FAM222B: variants seen among roughly 807,000 people sequenced by gnomAD.
FAM222B encodes the protein family with sequence similarity 222 member B.
FAM222B carries 12 observed loss-of-function variants against 38.0 expected under a neutral mutation model. The observed-to-expected ratio is 0.32, with a 90% confidence interval of 0.20 to 0.51. The LOEUF (loss-of-function observed/expected upper bound fraction) is 0.51. FAM222B is among the 20% of genes least tolerant of loss of function. FAM222B has a pLI of 0.97. For missense variants in FAM222B, 716 were observed against 754.2 expected (o/e 0.95, Z 0.59); for synonymous variants, 329 against 317.2 (o/e 1.04, Z -0.40).
intron 1 of FAM222B, among the ~76,000 whole-genome samples, chr17:28,823,277 T>A (rs2038327413): frequency 6.6e-6 from 1 of 151,974 alleles, no homozygotes; most frequent in East Asian, 1.9e-4. Flanking sequence ...AAGTCACCAA[T>A]AATCCCTAGG....
At chr17:28,798,870 G>C (rs1042099468) in intron 1 of FAM222B, among the ~76,000 whole-genome samples, 6 of 152,030 alleles carry the variant, frequency 3.9e-5, no homozygotes, top group African/African-American at 1.4e-4. Flanking sequence ...ACCCGCCTCG[G>C]CCTCCCAAAG....
At chr17:28,793,783 T>C (rs1011807466) in intron 1 of FAM222B, among the ~76,000 whole-genome samples, 2 of 151,536 alleles carry the variant, frequency 1.3e-5, no homozygotes, top group African/African-American at 4.9e-5. Flanking sequence ...TTCACTCTTG[T>C]TGCCCAGGCT....
At chr17:28,800,564 G>A (rs2037170719) in intron 1 of FAM222B, among the ~76,000 whole-genome samples, 1 of 151,992 alleles carries the variant, frequency 6.6e-6, no homozygotes, top group Non-Finnish European at 1.5e-5. Context: ...TGGAGAAGAG[G>A]CAAAAATAAA....
At position 28,778,729 on chromosome 17, in the gene FAM222B, T is replaced by A. The variant is rs1471726613; in HGVS notation, c.-40-12022A>T. ...TATATATATATATATATTTTTTTTT[T>A]TTTTTTTTTTTTTTTGGTAGAAGTG... is the stretch of plus-strand genomic sequence containing the variant. On this transcript the variant is annotated intron_variant, in intron 1 of 2. Coordinates refer to ENST00000581407, the MANE Select transcript of FAM222B (RefSeq NM_001077498.3). Among the ~76,000 whole-genome samples, 4 of 110,722 alleles carry A rather than the reference T, an allele frequency of 3.6e-5. No homozygotes were observed. In the South Asian group the frequency reaches 1.0e-3, roughly 29 times the overall value. 72.6% of individuals were successfully genotyped at this position (110,722 alleles called of 152,430 possible). A position where few individuals can be genotyped will look rare whatever the true frequency, so the allele number is the denominator to read the frequency against.
intron 1 of FAM222B, among the ~76,000 whole-genome samples, chr17:28,786,305 C>G (rs1447357960): frequency 6.6e-6 from 1 of 152,170 alleles, no homozygotes; most frequent in Non-Finnish European, 1.5e-5. Context: ...AAGGATAAGA[C>G]AGCAACTATA....
At position 28,759,459 on chromosome 17, in the gene FAM222B, G is replaced by A. The variant is rs2034945356; in HGVS notation, c.500C>T (p.Ala167Val). The A allele has an allele frequency of 6.4e-7, 1 of 1,569,836 alleles. No homozygotes were observed. ...ALQHAQTLAH[A>V]PPQTLQHPQG... is the part of the protein sequence containing the mutation. ...AGGGTGCTGCAGCGTCTGGGGAGGG[G>A]CATGGGCCAGGGTCTGTGCATGCTG... Residue 167 changes from alanine to valine, a missense_variant, in exon 3 of 3, where the codon GCC becomes GTC. Ala to Val is a moderately conservative substitution (Grantham distance 64). Transcript: ENST00000581407. The surrounding 1 kb of genome is among the most constrained non-coding windows in gnomAD (Gnocchi z 4.8).
At chr17:28,842,482 C>T (rs954195217) in intron 1 of FAM222B, among the ~76,000 whole-genome samples, 200 bp downstream of exon 1, 1 of 152,220 alleles carries the variant, frequency 6.6e-6, no homozygotes, top group Admixed American at 6.5e-5. Context: ...GCAACCCCGT[C>T]CCCCTCCACC....
intron 1 of FAM222B, among the ~76,000 whole-genome samples, chr17:28,796,741 G>GA (rs1228538324): frequency 6.6e-6 from 1 of 151,856 alleles, no homozygotes; most frequent in Non-Finnish European, 1.5e-5. Flanking sequence ...AAGAAAGAAA[G>GA]AAAGTGGACC....
At position 28,759,549 on chromosome 17, in the gene FAM222B, G is replaced by A. The variant is rs1336063264; in HGVS notation, c.410C>T (p.Ala137Val). ...GGCTAAAGTGCTGGGTGCCACAGTA[G>A]CATAGGGTGCCACTGGGGGGTTCAT... ...AIMNPPVAPYATVAPSTLAHP... is the reference protein window; with the variant it reads ...AIMNPPVAPYVTVAPSTLAHP... Residue 137 changes from alanine (A) to valine (V), a missense_variant, in exon 3 of 3, where the codon GCT becomes GTT. Physicochemically the swap from Ala to Val is moderately conservative, Grantham distance 64. Coordinates refer to ENST00000581407, the MANE Select transcript of FAM222B (RefSeq NM_001077498.3). The surrounding 1 kb of genome is among the most constrained non-coding windows in gnomAD (Gnocchi z 4.8). 2 of 1,605,924 alleles carry A rather than the reference G, an allele frequency of 1.2e-6. No individual in the cohort carries two copies. Among genetic ancestry groups the A allele is most frequent in the Non-Finnish European group, 1.7e-6 (2 of 1,175,518 alleles).
chr17:28,778,719 ATTTTTTTTT>A (rs59098589), intron 1 of FAM222B, among the ~76,000 whole-genome samples: 4 of 25,488 alleles, frequency 1.6e-4, no homozygotes, highest in Non-Finnish European at 2.0e-4. Flanking sequence ...ATATATATAT[ATTTTTTTTT>A]TTTTTTTTTT....
chr17:28,842,636 T>TA (rs1284138027), intron 1 of FAM222B, 46 bp downstream of exon 1: 1 of 152,636 alleles, frequency 6.6e-6, no homozygotes, highest in Non-Finnish European at 1.5e-5. Flanking sequence ...TCCGCTAAGT[T>TA]ACCCTCTTCC....
chr17:28,815,245 G>C (rs985330875), intron 1 of FAM222B, among the ~76,000 whole-genome samples: 1 of 148,398 alleles, frequency 6.7e-6, no homozygotes, highest in African/African-American at 2.5e-5. Flanking sequence ...ACAGAGTCTC[G>C]CTCTGTCACC....
At chr17:28,813,163 AACAC>A (rs1491281572) in intron 1 of FAM222B, among the ~76,000 whole-genome samples, 1 of 146,492 alleles carries the variant, frequency 6.8e-6, no homozygotes, top group Non-Finnish European at 1.5e-5. Flanking sequence ...AAAAAAAAAA[AACAC>A]ACATAGTTGG....
rs559624246 is a variant in FAM222B at position 28,784,491 on chromosome 17, T to TA, written c.-40-17785dup. Among the ~76,000 whole-genome samples, 321 of 36,024 alleles carry TA rather than the reference T, an allele frequency of 8.9e-3. 45 individuals carry two copies. Among genetic ancestry groups the TA allele is most frequent in the Non-Finnish European group, 0.011 (229 of 19,918 alleles). The allele number at this position is 36,024 out of a possible 152,430, so 23.6% of individuals were successfully genotyped here. On this transcript the variant is annotated intron_variant, in intron 1 of 2. Coordinates refer to ENST00000581407, the MANE Select transcript of FAM222B (RefSeq NM_001077498.3). ...AACAACAGAGTAAGATCCCCTCTCTTAAAAAAAAAAAAAAAAAAAAAAAAA... is the reference window on the plus strand; with the variant it reads ...AACAACAGAGTAAGATCCCCTCTCTTAAAAAAAAAAAAAAAAAAAAAAAAAA...
At position 28,758,054 on chromosome 17, in the gene FAM222B, C is replaced by T; in HGVS notation, c.*216G>A. On this transcript the variant is annotated 3_prime_UTR_variant, in exon 3 of 3. Transcript: ENST00000581407. ...CAGTCAGTGGAGAGAAAAGCCTGGG[C>T]TTAGGGTTAGGTTCTAACATAAAAC... is the stretch of plus-strand genomic sequence containing the variant. 2.1e-6 allele frequency: 1 copy of T among 465,942 alleles called. No homozygotes were observed. The highest frequency in any genetic ancestry group is 3.4e-5 in the East Asian group (1 of 29,284). The allele number at this position is 465,942 out of a possible 1,614,324, so 28.9% of individuals were successfully genotyped here.
chr17:28,844,086 C>G (rs2039121131), upstream of FAM222B, among the ~76,000 whole-genome samples: 1 of 152,156 alleles, frequency 6.6e-6, no homozygotes, highest in Admixed American at 6.6e-5. Flanking sequence ...CAGTGAGGCC[C>G]AACTGTCAGT....
intron 2 of FAM222B, chr17:28,762,254 G>C (rs984538733): frequency 3.3e-5 from 5 of 152,276 alleles, no homozygotes; most frequent in African/African-American, 1.2e-4. Context: ...GATGAGTACA[G>C]TATATTGAAC....
At chr17:28,790,827 G>GA (rs903997372) in intron 1 of FAM222B, among the ~76,000 whole-genome samples, 10 of 109,406 alleles carry the variant, frequency 9.1e-5, no homozygotes, top group African/African-American at 1.4e-4. Flanking sequence ...ATGATTGAAA[G>GA]AAAAAAAATT....
chr17:28,766,086 A>G (rs541172956), intron 2 of FAM222B, among the ~76,000 whole-genome samples: 1 of 152,258 alleles, frequency 6.6e-6, no homozygotes, highest in South Asian at 2.1e-4. Context: ...GAAGCTCTTT[A>G]TAGTTTTGTT....
Sources: allele counts gnomAD v4.1 joint callset (sites outside exome capture counted in the v4.1 genomes callset), GRCh38; gene constraint gnomAD v4.1.1; non-coding constraint Gnocchi (gnomAD v3.1); transcripts MANE v1.5; gene names NCBI Gene and HGNC (gene_info 2026-07-23, HGNC 2026-07-21).